Variants in SPECC1 observed in about 807,000 individuals in gnomAD.
SPECC1 encodes cytospin-B.
In SPECC1, 62 loss-of-function variants were observed where a neutral mutation model predicts 104.1. That is an observed-to-expected ratio of 0.60 (90% CI 0.49 to 0.74). SPECC1 has a LOEUF of 0.74. Among genes scored for constraint, SPECC1 ranks in the 30% least tolerant of loss-of-function variants. The probability of loss-of-function intolerance (pLI) is 0.00; values close to 1 mark genes in which losing one functional copy is unlikely to be tolerated. For synonymous variants in SPECC1, 513 were observed against 501.6 expected (o/e 1.02, Z -0.30); for missense variants, 1,306 against 1,310.5 (o/e 1.00, Z 0.05).
intron 14 of SPECC1, among the ~76,000 whole-genome samples, chr17:20,308,767 T>C (rs990792495): frequency 5.3e-5 from 8 of 152,152 alleles, no homozygotes; most frequent in African/African-American, 1.9e-4. Context: ...GTGAGGAAAC[T>C]TACACATCTG....
At chr17:20,021,702 A>ATTTTT (rs1187795523) in intron 1 of SPECC1, among the ~76,000 whole-genome samples, 2 of 139,272 alleles carry the variant, frequency 1.4e-5, no homozygotes, top group African/African-American at 5.3e-5. Context: ...ATATATATAT[A>ATTTTT]TTTTTTTGTA....
chr17:20,273,626 T>C (rs944887497), intron 12 of SPECC1, among the ~76,000 whole-genome samples: 1 of 152,160 alleles, frequency 6.6e-6, no homozygotes, highest in Non-Finnish European at 1.5e-5. Context: ...CTTTGGCTGC[T>C]CTATAAACAG....
intron 1 of SPECC1, among the ~76,000 whole-genome samples, chr17:20,024,557 T>A (rs1174660136): frequency 6.6e-6 from 1 of 152,242 alleles, no homozygotes; most frequent in Non-Finnish European, 1.5e-5. Flanking sequence ...TTTCTCTGTC[T>A]CAGAGGGAGA....
chr17:20,239,143 C>G, intron 7 of SPECC1: 2 of 1,027,654 alleles, frequency 1.9e-6, no homozygotes, highest in South Asian at 9.2e-5. Context: ...ACTCTAGGGT[C>G]TCAGAAAATA....
rs3072413 is a variant in SPECC1 at position 20,308,389 on chromosome 17, CAAA to C, written c.3117+2327_3117+2329del. 6.5e-4 allele frequency among the ~76,000 whole-genome samples: 43 copies of C among 66,602 alleles called. 1 individual carries two copies. In the Admixed American group the frequency reaches 6.8e-3, roughly 11 times the overall value. The allele number at this position is 66,602 out of a possible 152,430, so 43.7% of individuals were successfully genotyped here. A position where few individuals can be genotyped will look rare whatever the true frequency, so the allele number is the denominator to read the frequency against. ...GGGTGACAAGAGCGAAACTCCATCT[CAAA>C]AAAAAAAAAAAAAAAAAAATTCCAT... is the stretch of plus-strand genomic sequence containing the variant. On this transcript the variant is annotated intron_variant, in intron 14 of 14. Coordinates refer to ENST00000395527, the MANE Select transcript of SPECC1 (RefSeq NM_001243439.2).
intron 12 of SPECC1, among the ~76,000 whole-genome samples, chr17:20,279,749 G>A (rs2040703992): frequency 6.6e-6 from 1 of 152,176 alleles, no homozygotes; most frequent in Non-Finnish European, 1.5e-5. Context: ...GAGTCAGAAA[G>A]GGTTTAAAAA....
chr17:20,179,922 G>A (rs568965452), intron 3 of SPECC1, among the ~76,000 whole-genome samples: 4 of 152,272 alleles, frequency 2.6e-5, no homozygotes, highest in Non-Finnish European at 4.4e-5. Context: ...CTAGGAAATA[G>A]CGTGGAACTA....
intron 1 of SPECC1, among the ~76,000 whole-genome samples, chr17:20,051,209 T>C (rs1397884495): frequency 2.0e-5 from 3 of 151,102 alleles, no homozygotes; most frequent in Non-Finnish European, 3.0e-5. Flanking sequence ...AGAGTCTTGC[T>C]TTGTTACTCA....
intron 8 of SPECC1, 40 bp from the exon 9 acceptor site, chr17:20,247,179 T>C (rs775804287): frequency 6.7e-7 from 1 of 1,490,530 alleles, no homozygotes; most frequent in East Asian, 2.3e-5. Context: ...TATTTTGAAG[T>C]GGAACAACAT....
chr17:20,274,183 T>C (rs912194653), intron 12 of SPECC1, among the ~76,000 whole-genome samples: 7 of 152,234 alleles, frequency 4.6e-5, no homozygotes, highest in Admixed American at 6.5e-5. Context: ...GCATCACTTA[T>C]TTCATCATCT....
At chr17:20,031,376 G>A (rs1292585272) in intron 1 of SPECC1, among the ~76,000 whole-genome samples, 1 of 151,984 alleles carries the variant, frequency 6.6e-6, no homozygotes, top group East Asian at 1.9e-4. Context: ...CTAGAGTGCG[G>A]TGGCGCAATC....
At chr17:20,109,210 C>G (rs2048366853) in intron 2 of SPECC1, among the ~76,000 whole-genome samples, 1 of 152,206 alleles carries the variant, frequency 6.6e-6, no homozygotes, top group Non-Finnish European at 1.5e-5. Context: ...TAAATGACCC[C>G]AAAGCCAGTG....
At chr17:20,306,158 T>C (rs779014941) in intron 14 of SPECC1, 76 bp downstream of exon 14, 52 of 1,436,058 alleles carry the variant, frequency 3.6e-5, no homozygotes, top group Non-Finnish European at 4.4e-5. Context: ...ATAAACAGTT[T>C]CTCGTAGAAC....
chr17:20,178,217 A>G (rs952052362), intron 3 of SPECC1, among the ~76,000 whole-genome samples: 2 of 152,118 alleles, frequency 1.3e-5, no homozygotes, highest in Admixed American at 1.3e-4. Context: ...TAACACATAG[A>G]TCTGTGTTTA....
At chr17:20,277,898 G>A (rs939874379) in intron 12 of SPECC1, among the ~76,000 whole-genome samples, 1 of 152,210 alleles carries the variant, frequency 6.6e-6, no homozygotes, top group Admixed American at 6.5e-5. Context: ...TGTGGCGTGT[G>A]TCAGCCACGC....
At chr17:20,292,866 T>C (rs2141988425) in intron 12 of SPECC1, among the ~76,000 whole-genome samples, 1 of 152,330 alleles carries the variant, frequency 6.6e-6, no homozygotes, top group Non-Finnish European at 1.5e-5. Flanking sequence ...ATTATGGTTG[T>C]GTGTTGCTTT....
intron 13 of SPECC1, among the ~76,000 whole-genome samples, chr17:20,299,117 G>A (rs888075836): frequency 6.6e-6 from 1 of 151,976 alleles, no homozygotes; most frequent in Non-Finnish European, 1.5e-5. Flanking sequence ...TGATACTACA[G>A]TCCCAATGTG....
At chr17:20,075,874 G>C (rs1442765440) in intron 1 of SPECC1, among the ~76,000 whole-genome samples, 1 of 152,158 alleles carries the variant, frequency 6.6e-6, no homozygotes, top group East Asian at 1.9e-4. Flanking sequence ...TTGAAATCAG[G>C]AGGTTGAGGC....
At chr17:20,242,535 A>G (rs2039249402) in intron 7 of SPECC1, among the ~76,000 whole-genome samples, 1 of 152,204 alleles carries the variant, frequency 6.6e-6, no homozygotes, top group Non-Finnish European at 1.5e-5. Context: ...GTTCTCTAGT[A>G]TGGGTTGCCG....
Sources: gnomAD v4.1 joint callset for allele counts (sites outside exome capture counted in the v4.1 genomes callset) on GRCh38, gnomAD v4.1.1 for gene constraint, MANE v1.5 for transcripts, NCBI Gene and HGNC (gene_info 2026-07-23, HGNC 2026-07-21) for gene names.